RAD51B: variants seen among roughly 807,000 people sequenced by gnomAD.
RAD51B encodes the protein DNA repair protein RAD51 homolog 2.
In RAD51B, 38 loss-of-function variants were observed where a neutral mutation model predicts 42.2. The observed-to-expected ratio is 0.90, with a 90% CI of 0.70 to 1.18. The LOEUF (loss-of-function observed/expected upper bound fraction) is 1.18, where lower values mean the gene tolerates loss of function less well. RAD51B is among the 50% of genes most tolerant of loss of function. The pLI, the probability that RAD51B is intolerant of heterozygous loss-of-function variation, is 0.00. For missense variants in RAD51B, 373 were observed against 400.7 expected (o/e 0.93, Z 0.59); for synonymous variants, 154 against 145.2 (o/e 1.06, Z -0.43).
At chr14:68,414,738 C>T (rs772969838) in intron 9 of RAD51B, among the ~76,000 whole-genome samples, 3 of 151,268 alleles carry the variant, frequency 2.0e-5, no homozygotes, top group South Asian at 2.1e-4. Context: ...CAGTGATTCT[C>T]GGCAGGACGC....
At position 68,128,898 on chromosome 14, in the gene RAD51B, G is replaced by T. The variant is rs114623468; in HGVS notation, c.757-162986G>T. ...AATTAATTTTTCTTTACTCTGAAAGGTAATTTCCTAGAGATGAGAAGGTAT... is the reference window on the plus strand; with the variant it reads ...AATTAATTTTTCTTTACTCTGAAAGTTAATTTCCTAGAGATGAGAAGGTAT... On this transcript the variant is annotated intron_variant, in intron 7 of 10. Coordinates refer to ENST00000471583, the MANE Select transcript of RAD51B (RefSeq NM_133510.4). 3.4e-3 allele frequency among the ~76,000 whole-genome samples: 524 copies of T among 152,248 alleles called. 2 individuals carry two copies. The highest frequency in any genetic ancestry group is 0.011 in the African/African-American group (457 of 41,564).
intron 7 of RAD51B, among the ~76,000 whole-genome samples, chr14:67,970,530 T>C (rs1255989847): frequency 6.6e-6 from 1 of 152,116 alleles, no homozygotes; most frequent in Non-Finnish European, 1.5e-5. Context: ...TTTTTATTTT[T>C]ATGTTTATTC....
At chr14:67,870,068 C>G (rs1380827302) in intron 5 of RAD51B, among the ~76,000 whole-genome samples, 1 of 150,238 alleles carries the variant, frequency 6.7e-6, no homozygotes, top group African/African-American at 2.5e-5. Flanking sequence ...ATGACAGGAT[C>G]AAATTCACAC....
chr14:68,332,689 CA>C (rs930450495), intron 8 of RAD51B, among the ~76,000 whole-genome samples: 1 of 151,820 alleles, frequency 6.6e-6, no homozygotes, highest in African/African-American at 2.4e-5. Flanking sequence ...AGCCATAGGG[CA>C]AAAAAACCAA....
At chr14:67,857,865 G>A (rs1035892332) in intron 4 of RAD51B, 2 of 152,536 alleles carry the variant, frequency 1.3e-5, no homozygotes, top group African/African-American at 2.4e-5. Flanking sequence ...GGCACTTGCA[G>A]GAGCAAGCTT....
chr14:68,001,388 A>G (rs2075479875), intron 7 of RAD51B, among the ~76,000 whole-genome samples: 1 of 151,940 alleles, frequency 6.6e-6, no homozygotes, highest in Admixed American at 6.6e-5. Flanking sequence ...TTCTTGCTAT[A>G]TTGGTGGAAG....
intron 7 of RAD51B, among the ~76,000 whole-genome samples, chr14:68,117,772 AAT>A (rs1374640244): frequency 6.6e-6 from 1 of 152,224 alleles, no homozygotes; most frequent in African/African-American, 2.4e-5. Flanking sequence ...GATTTTTAAA[AAT>A]AAATATACCA....
intron 8 of RAD51B, among the ~76,000 whole-genome samples, chr14:68,348,564 A>G (rs8017050): frequency 6.6e-6 from 1 of 152,260 alleles, no homozygotes; most frequent in Admixed American, 6.5e-5. Context: ...GGCATAATGC[A>G]TATGTTTGTT....
intron 7 of RAD51B, among the ~76,000 whole-genome samples, chr14:68,225,254 C>T (rs1450100512): frequency 6.6e-6 from 1 of 152,146 alleles, no homozygotes; most frequent in African/African-American, 2.4e-5. Flanking sequence ...TTATACCAAC[C>T]TATTTATATT....
chr14:67,935,015 C>T (rs1382884390), intron 7 of RAD51B, among the ~76,000 whole-genome samples: 1 of 152,198 alleles, frequency 6.6e-6, no homozygotes, highest in East Asian at 1.9e-4. Context: ...TGTGTTTCTC[C>T]ACAGTGATGA....
At chr14:68,396,086 G>A (rs2083911987) in intron 8 of RAD51B, among the ~76,000 whole-genome samples, 1 of 152,176 alleles carries the variant, frequency 6.6e-6, no homozygotes, top group African/African-American at 2.4e-5. Flanking sequence ...ACAGAGCAGG[G>A]ACACGGGCAC....
At chr14:68,524,532 G>A (rs965812123) in intron 10 of RAD51B, among the ~76,000 whole-genome samples, 1 of 152,182 alleles carries the variant, frequency 6.6e-6, no homozygotes, top group Non-Finnish European at 1.5e-5. Context: ...ACAGGCTCGA[G>A]CTGGCTTTGA....
At chr14:68,278,666 T>A (rs540070200) in intron 7 of RAD51B, among the ~76,000 whole-genome samples, 2 of 152,364 alleles carry the variant, frequency 1.3e-5, no homozygotes, top group Admixed American at 1.3e-4. Context: ...TTACATTTGT[T>A]TGTTTGTTTG....
intron 10 of RAD51B, chr14:68,470,522 G>C (rs895831015): frequency 2.0e-6 from 1 of 491,252 alleles, no homozygotes; most frequent in African/African-American, 1.9e-5. Flanking sequence ...GCTTTTGTCA[G>C]CTGGAAAATG....
chr14:68,296,102 C>T (rs1158867035), intron 8 of RAD51B, among the ~76,000 whole-genome samples: 5 of 152,122 alleles, frequency 3.3e-5, no homozygotes, highest in African/African-American at 1.2e-4. Flanking sequence ...TTTAGGGCAA[C>T]ATCAACAACA....
chr14:67,927,125 G>C (rs1486993387), intron 7 of RAD51B, among the ~76,000 whole-genome samples: 1 of 152,092 alleles, frequency 6.6e-6, no homozygotes, highest in Non-Finnish European at 1.5e-5. Context: ...AATAATTCTT[G>C]AATCTTATTT....
intron 7 of RAD51B, among the ~76,000 whole-genome samples, chr14:67,955,840 C>T (rs760953028): frequency 3.3e-5 from 5 of 152,116 alleles, no homozygotes; most frequent in Non-Finnish European, 7.4e-5. Flanking sequence ...GTGAACTGGA[C>T]GTTGGAGTAC....
chr14:68,140,057 G>A lies in RAD51B; in HGVS notation c.757-151827G>A, dbSNP rs183482022. On this transcript the variant is annotated intron_variant, in intron 7 of 10. Transcript: ENST00000471583. ...AGAGGGTTGGCATGCCATGCTGATC[G>A]TCTCATTAAGCCCTAAACTTTTTCT... 5.8e-4 allele frequency among the ~76,000 whole-genome samples: 88 copies of A among 152,252 alleles called. No individual in the cohort carries two copies. In the East Asian group the frequency reaches 5.8e-3, roughly 10 times the overall value.
At chr14:68,152,718 C>T (rs2058634413) in intron 7 of RAD51B, among the ~76,000 whole-genome samples, 1 of 79,510 alleles carries the variant, frequency 1.3e-5, no homozygotes, top group South Asian at 4.5e-4. Context: ...AGCTTAGTAC[C>T]CAATCTTTTT....
Sources: gnomAD v4.1 joint callset for allele counts (sites outside exome capture counted in the v4.1 genomes callset) on GRCh38, gnomAD v4.1.1 for gene constraint, MANE v1.5 for transcripts, NCBI Gene and HGNC (gene_info 2026-07-23, HGNC 2026-07-21) for gene names.